MYRIP: variants seen among roughly 807,000 people sequenced by gnomAD.
MYRIP encodes the protein myosin VIIA and Rab interacting protein.
A neutral mutation model predicts 98.0 loss-of-function variants in MYRIP; 49 were observed. The ratio of observed to expected loss-of-function variants is 0.50; its 90% CI spans 0.40 to 0.63. The LOEUF is 0.63. Ranked by LOEUF, MYRIP falls within the 30% of genes least tolerant of loss-of-function variation. The pLI is 0.00. For synonymous variants in MYRIP, 404 were observed against 409.5 expected (o/e 0.99, Z 0.16); for missense variants, 1,004 against 1,058.2 (o/e 0.95, Z 0.71).
chr3:40,116,778 G>C (rs914622333), intron 3 of MYRIP, among the ~76,000 whole-genome samples: 6 of 152,210 alleles, frequency 3.9e-5, no homozygotes, highest in Non-Finnish European at 7.3e-5. Flanking sequence ...ACACAAAAAC[G>C]GTTTGGGGTG....
chr3:40,127,658 G>T (rs1015463452), intron 3 of MYRIP, among the ~76,000 whole-genome samples: 1 of 152,166 alleles, frequency 6.6e-6, no homozygotes, highest in Non-Finnish European at 1.5e-5. Context: ...GGTTGGGGGT[G>T]GGGGGCACTG....
chr3:40,203,648 T>C (rs2125650646), intron 10 of MYRIP, among the ~76,000 whole-genome samples: 1 of 135,274 alleles, frequency 7.4e-6, no homozygotes, highest in South Asian at 2.2e-4. Context: ...AAGTTCCATA[T>C]AAATATATAT....
intron 2 of MYRIP, among the ~76,000 whole-genome samples, chr3:40,040,577 C>G (rs1371994087): frequency 3.2e-5 from 2 of 62,140 alleles, no homozygotes; most frequent in Admixed American, 2.3e-4. Flanking sequence ...TTGGAACCAA[C>G]CCAAATGTCC....
At position 39,850,058 on chromosome 3, in the gene MYRIP, T is replaced by C. The variant is rs116231727; in HGVS notation, c.-31+40142T>C. ...TGTTCTGATGTTCCTCTTCCTAGAG[T>C]AGGGTGTCAGAGAGTATGAGTGTGT... On this transcript the variant is annotated intron_variant, in intron 1 of 16. Transcript: ENST00000302541. Among the ~76,000 whole-genome samples, 683 of 152,032 alleles carry C rather than the reference T, an allele frequency of 4.5e-3. 6 individuals are homozygous for C. The highest frequency in any genetic ancestry group is 0.015 in the African/African-American group (628 of 41,462).
At chr3:40,204,999 C>T (rs1030371240) in intron 10 of MYRIP, among the ~76,000 whole-genome samples, 1 of 152,174 alleles carries the variant, frequency 6.6e-6, no homozygotes, top group African/African-American at 2.4e-5. Context: ...AGGACAGCTA[C>T]TTTATTACAA....
At chr3:39,835,954 T>C (rs146419595) in intron 1 of MYRIP, among the ~76,000 whole-genome samples, 12,747 of 152,248 alleles carry the variant, frequency 0.084, 596 homozygotes, top group African/African-American at 0.13. Flanking sequence ...TAGTATTCCA[T>C]GATGTATATG....
Position 40,134,278 on chromosome 3 carries a change from G to A in MYRIP, c.333-16770G>A, listed in dbSNP as rs1011092599. 2.0e-5 allele frequency among the ~76,000 whole-genome samples: 3 copies of A among 152,202 alleles called. No individual in the cohort carries two copies. The East Asian group carries it at 5.8e-4, about 29-fold the overall frequency. On this transcript the variant is annotated intron_variant, in intron 3 of 16. Coordinates refer to ENST00000302541, the MANE Select transcript of MYRIP (RefSeq NM_015460.4). ...GAGGGTCCTACACCCACGGAGCCTCGCTCATTGCTAGCACAGCAGTCTGAG... is the reference window on the plus strand; with the variant it reads ...GAGGGTCCTACACCCACGGAGCCTCACTCATTGCTAGCACAGCAGTCTGAG...
rs1575593576 is a variant in MYRIP at position 40,170,671 on chromosome 3, G to C, written c.873+578G>C. Reference sequence around the variant, plus strand: ...CTGTCACATCCTTTGTTACTGGTTTGAGTAAGCCCAGTTGAGGATATGCAA... The same window carrying C: ...CTGTCACATCCTTTGTTACTGGTTTCAGTAAGCCCAGTTGAGGATATGCAA... On this transcript the variant is annotated intron_variant, in intron 8 of 16. Transcript: ENST00000302541. Among the ~76,000 whole-genome samples, 4 of 152,308 alleles carry C rather than the reference G, an allele frequency of 2.6e-5. No homozygotes were observed. In the South Asian group the frequency reaches 8.3e-4, roughly 32 times the overall value.
rs76041468 is a variant in MYRIP at position 40,143,867 on chromosome 3, C to A, written c.333-7181C>A. 2.5e-3 allele frequency among the ~76,000 whole-genome samples: 385 copies of A among 152,318 alleles called. 1 individual carries two copies. The highest frequency in any genetic ancestry group is 9.1e-3 in the African/African-American group (377 of 41,582). ...CTGTGGTTTTACAGCTCATTCCCCA[C>A]GGATTTGCTGTAGTCTTCCACCTCC... On this transcript the variant is annotated intron_variant, in intron 3 of 16. Coordinates refer to ENST00000302541, the MANE Select transcript of MYRIP (RefSeq NM_015460.4).
chr3:40,182,066 C>A (rs931176289), intron 8 of MYRIP, among the ~76,000 whole-genome samples, 154 bp from the exon 9 acceptor site: 3 of 152,210 alleles, frequency 2.0e-5, no homozygotes, highest in African/African-American at 7.2e-5. Flanking sequence ...GCCTTATATA[C>A]TGATTTGCAG....
chr3:40,083,377 A>C (rs2125872913), intron 3 of MYRIP, among the ~76,000 whole-genome samples: 1 of 152,366 alleles, frequency 6.6e-6, no homozygotes, highest in South Asian at 2.1e-4. Context: ...GAAGAAGCAC[A>C]GTCCTGGAGG....
chr3:40,022,781 G>A (rs1947025954), intron 2 of MYRIP, among the ~76,000 whole-genome samples: 1 of 152,112 alleles, frequency 6.6e-6, no homozygotes, highest in African/African-American at 2.4e-5. Flanking sequence ...ATGACTCTTA[G>A]GATTCCAGAG....
At chr3:40,039,849 A>G (rs889661234) in intron 2 of MYRIP, among the ~76,000 whole-genome samples, 16 of 152,050 alleles carry the variant, frequency 1.1e-4, no homozygotes, top group African/African-American at 3.9e-4. Flanking sequence ...AGAAGTCTAC[A>G]ATCAAGGCGC....
chr3:40,066,995 C>T (rs1268640745), intron 3 of MYRIP, among the ~76,000 whole-genome samples: 1 of 152,076 alleles, frequency 6.6e-6, no homozygotes, highest in African/African-American at 2.4e-5. Flanking sequence ...TTTTGCTTTT[C>T]TATAGTTTCC....
chr3:39,891,393 G>A (rs1022732250), intron 1 of MYRIP, among the ~76,000 whole-genome samples: 1 of 151,828 alleles, frequency 6.6e-6, no homozygotes, highest in African/African-American at 2.4e-5. Context: ...GGTGAAAGTT[G>A]ATCTAATTCT....
intron 2 of MYRIP, among the ~76,000 whole-genome samples, chr3:40,033,841 C>T (rs1947315610): frequency 6.6e-6 from 1 of 152,050 alleles, no homozygotes; most frequent in African/African-American, 2.4e-5. Context: ...GCTACAGTAA[C>T]CAAAACAGCA....
rs1241304077 is a variant in MYRIP, at chr3:39,889,807, T to C, written c.-30-10980T>C. On this transcript the variant is annotated intron_variant, in intron 1 of 16. Coordinates refer to ENST00000302541, the MANE Select transcript of MYRIP (RefSeq NM_015460.4). Reference sequence around the variant, plus strand: ...ATGACTTCTGAATTTTGTGTCATATTGAGAAAGGCATTTCCTACTCTGAAA... The same window carrying C: ...ATGACTTCTGAATTTTGTGTCATATCGAGAAAGGCATTTCCTACTCTGAAA... 2.6e-5 allele frequency among the ~76,000 whole-genome samples: 4 copies of C among 152,182 alleles called. No individual in the cohort carries two copies. In the East Asian group the frequency reaches 7.7e-4, roughly 29 times the overall value.
At chr3:40,033,640 A>G (rs1230960184) in intron 2 of MYRIP, among the ~76,000 whole-genome samples, 1 of 152,226 alleles carries the variant, frequency 6.6e-6, no homozygotes, top group Non-Finnish European at 1.5e-5. Context: ...AAATGGCCAT[A>G]CTGCCCAAGG....
intron 1 of MYRIP, among the ~76,000 whole-genome samples, chr3:39,839,683 T>A (rs1443504987): frequency 6.6e-6 from 1 of 152,212 alleles, no homozygotes; most frequent in African/African-American, 2.4e-5. Flanking sequence ...GTACATTGTG[T>A]CTTTGTTCTC....
Sources: gnomAD v4.1 joint callset for allele counts (sites outside exome capture counted in the v4.1 genomes callset) on GRCh38, gnomAD v4.1.1 for gene constraint, MANE v1.5 for transcripts, NCBI Gene and HGNC (gene_info 2026-07-23, HGNC 2026-07-21) for gene names.